Variants in DDX6 observed in about 807,000 individuals in gnomAD.
DDX6 encodes probable ATP-dependent RNA helicase DDX6.
A neutral mutation model predicts 60.6 loss-of-function variants in DDX6; 7 were observed. The ratio of observed to expected loss-of-function variants is 0.12; its 90% CI spans 0.07 to 0.22. The LOEUF is 0.22. DDX6 is among the 10% of genes least tolerant of loss of function. DDX6 has a pLI of 1.00. For missense variants in DDX6, 270 were observed against 589.9 expected, an observed-to-expected ratio of 0.46 and a Z score of 5.62; for synonymous variants, 207 against 201.0, an observed-to-expected ratio of 1.03 and a Z score of -0.25.
In DDX6 at chr11:118,756,333, A is replaced by C; in HGVS notation, c.1111-10T>G. ...CACGATTTCGATGTTCCTAGGAGAA[A>C]GCAATGTATTCCATTTGATTAACAC... On this transcript the variant is annotated splice_polypyrimidine_tract_variant and intron_variant, in intron 10 of 13. Transcript: ENST00000534980. The C allele has an allele frequency of 6.2e-7, 1 of 1,609,884 alleles. No homozygotes were observed. Among genetic ancestry groups the C allele is most frequent in the South Asian group, 1.1e-5 (1 of 90,950 alleles).
At chr11:118,763,393 G>T in intron 6 of DDX6, 87 bp from the exon 7 acceptor site, 1 of 990,860 alleles carries the variant, frequency 1.0e-6, no homozygotes, top group African/African-American at 1.6e-5. Flanking sequence ...GTCCTGAGCT[G>T]CTTAATGATA....
intron 1 of DDX6, chr11:118,787,876 T>C (rs915353558): frequency 1.3e-5 from 2 of 151,884 alleles, no homozygotes; most frequent in African/African-American, 4.8e-5. Context: ...AGCTAATAAC[T>C]ATTCTAATTT....
At chr11:118,757,646 A>G (rs1861023462) in intron 9 of DDX6, among the ~76,000 whole-genome samples, 1 of 151,878 alleles carries the variant, frequency 6.6e-6, no homozygotes, top group Admixed American at 6.6e-5. Flanking sequence ...GCTGGAGTGC[A>G]ATGGTGCAAT....
intron 1 of DDX6, chr11:118,789,099 G>A (rs1208719465): frequency 2.9e-5 from 4 of 137,498 alleles, no homozygotes; most frequent in African/African-American, 1.1e-4. Flanking sequence ...TTTTTGAGGC[G>A]GAGTCTCGCT....
At chr11:118,754,512 A>G (rs1860896120) in intron 13 of DDX6, 193 bp downstream of exon 13, 2 of 481,528 alleles carry the variant, frequency 4.2e-6, no homozygotes, top group East Asian at 6.9e-5. Flanking sequence ...GCTGCATTCA[A>G]GAACAACATT....
At chr11:118,757,317 A>G in intron 9 of DDX6, 30 bp from the exon 10 acceptor site, 3 of 1,273,396 alleles carry the variant, frequency 2.4e-6, no homozygotes, top group Non-Finnish European at 3.2e-6. Context: ...AGTATGAGAA[A>G]AATAAAAAAA....
At chr11:118,770,105 C>A (rs1861488284) in intron 4 of DDX6, among the ~76,000 whole-genome samples, 2 of 151,814 alleles carry the variant, frequency 1.3e-5, no homozygotes, top group South Asian at 2.1e-4. Flanking sequence ...TGGCTCACTG[C>A]AACTTTCGCC....
intron 7 of DDX6, 136 bp from the exon 8 acceptor site, chr11:118,760,180 C>T (rs1861115408): frequency 6.0e-6 from 5 of 830,080 alleles, no homozygotes. Flanking sequence ...AATAAATTCT[C>T]TCCAACACTG....
chr11:118,778,005 T>A (rs1861762115), intron 4 of DDX6, among the ~76,000 whole-genome samples: 1 of 149,914 alleles, frequency 6.7e-6, no homozygotes, highest in Admixed American at 6.6e-5. Flanking sequence ...ATCTAGGCTA[T>A]TTTTAGAATA....
chr11:118,767,073 G>A (rs1368448113), intron 5 of DDX6, among the ~76,000 whole-genome samples: 1 of 151,852 alleles, frequency 6.6e-6, no homozygotes, highest in African/African-American at 2.4e-5. Context: ...TTTTAGTAGA[G>A]ACAGGGTTTT....
intron 1 of DDX6, chr11:118,787,487 G>GAA (rs11372890): frequency 0.028 from 4,200 of 147,538 alleles, 57 homozygotes; most frequent in African/African-American, 0.051. Context: ...AAACAAACAA[G>GAA]AAAAAAAAAA....
In DDX6 at chr11:118,748,382, A is replaced by C. The variant is rs1476540672; in HGVS notation, c.*3723T>G. The stretch of plus-strand genomic sequence containing the variant: ...AGCAGATTTTCTTTGGGAGTTTTAA[A>C]AAACTATCTTTAGATTTAGAGATAC... On this transcript the variant is annotated 3_prime_UTR_variant, in exon 14 of 14. Coordinates refer to ENST00000534980, the MANE Select transcript of DDX6 (RefSeq NM_004397.6). 3 of 152,156 alleles carry C rather than the reference A, an allele frequency of 2.0e-5. No homozygotes were observed. In the East Asian group the frequency reaches 5.8e-4, roughly 29 times the overall value. 9.4% of individuals were successfully genotyped at this position (152,156 alleles called of 1,614,324 possible).
chr11:118,787,122 G>A (rs1412221319), intron 1 of DDX6: 1 of 152,152 alleles, frequency 6.6e-6, no homozygotes, highest in South Asian at 2.1e-4. Flanking sequence ...GATCTCTTGA[G>A]GTCAGGAGTT....
In DDX6 at chr11:118,763,227, C is replaced by A; in HGVS notation, c.726G>T (p.Met242Ile). Residue 242 changes from methionine to isoleucine, a missense_variant, in exon 7 of 14, where the codon ATG becomes ATT. By Grantham distance (10) the Met-to-Ile change is conservative. Transcript: ENST00000534980. ...KGVAKVDHVQ[M>I]IVLDEADKLL... ...GAGACATTACCTCATCCAATACTAT[C>A]ATCTGGACATGATCAACCTTTGCTA... The A allele has an allele frequency of 1.2e-6, 2 of 1,606,322 alleles. No individual in the cohort carries two copies. The highest frequency in any genetic ancestry group is 1.7e-6 in the Non-Finnish European group (2 of 1,176,508).
chr11:118,783,756 G>A (rs896215886), intron 2 of DDX6, among the ~76,000 whole-genome samples: 3 of 126,800 alleles, frequency 2.4e-5, no homozygotes, highest in African/African-American at 5.9e-5. Context: ...GCAGTGAGTC[G>A]AGATCACACC....
intron 7 of DDX6, among the ~76,000 whole-genome samples, chr11:118,762,199 C>T (rs1484067781): frequency 8.0e-5 from 12 of 150,276 alleles, no homozygotes; most frequent in African/African-American, 9.8e-5. Flanking sequence ...TCACTTGAAG[C>T]GGGGAGGCAG....
intron 7 of DDX6, among the ~76,000 whole-genome samples, chr11:118,760,964 AC>A (rs1432505849): frequency 6.6e-6 from 1 of 151,956 alleles, no homozygotes; most frequent in Non-Finnish European, 1.5e-5. Flanking sequence ...ATATGGTGAA[AC>A]CCTGTCTCTA....
At chr11:118,759,548 C>T (rs1302380102) in intron 8 of DDX6, among the ~76,000 whole-genome samples, 1 of 152,162 alleles carries the variant, frequency 6.6e-6, no homozygotes, top group Non-Finnish European at 1.5e-5. Flanking sequence ...AAGAACATTT[C>T]CTTTTAGCAT....
chr11:118,771,460 T>A (rs1555162566), intron 4 of DDX6, among the ~76,000 whole-genome samples: 1 of 152,220 alleles, frequency 6.6e-6, no homozygotes. Context: ...ATATTTTGCC[T>A]TATATGATGG....
Sources: allele counts gnomAD v4.1 joint callset (sites outside exome capture counted in the v4.1 genomes callset), GRCh38; gene constraint gnomAD v4.1.1; transcripts MANE v1.5; gene names NCBI Gene and HGNC (gene_info 2026-07-23, HGNC 2026-07-21).